Variants in CNTNAP2 observed in about 807,000 individuals in gnomAD.
The protein encoded by CNTNAP2 is contactin associated protein 2, also known as contactin-associated protein-like 2.
Under a neutral mutation model 155.2 loss-of-function variants are expected in CNTNAP2, and 98 were observed. The ratio of observed to expected loss-of-function variants is 0.63; its 90% CI spans 0.54 to 0.75. CNTNAP2 has a LOEUF of 0.75. Among genes scored for constraint, CNTNAP2 ranks in the 30% least tolerant of loss-of-function variants. The probability of loss-of-function intolerance (pLI) is 0.00; values close to 1 mark genes in which losing one functional copy is unlikely to be tolerated. For missense variants in CNTNAP2, 1,727 were observed against 1,688.1 expected, an observed-to-expected ratio of 1.02 and a Z score of -0.40; for synonymous variants, 651 against 631.2, an observed-to-expected ratio of 1.03 and a Z score of -0.47.
chr7:147,378,767 T>C (rs1408444769), intron 9 of CNTNAP2, among the ~76,000 whole-genome samples: 1 of 152,138 alleles, frequency 6.6e-6, no homozygotes, highest in Non-Finnish European at 1.5e-5. Flanking sequence ...GTTAGAATGT[T>C]CATAACTAAT....
At chr7:148,029,799 G>A (rs1257368190) in intron 15 of CNTNAP2, among the ~76,000 whole-genome samples, 1 of 152,186 alleles carries the variant, frequency 6.6e-6, no homozygotes, top group African/African-American at 2.4e-5. Context: ...CTAACTGTCT[G>A]ATGATAAAAG....
At chr7:147,435,762 G>T (rs1044423535) in intron 10 of CNTNAP2, among the ~76,000 whole-genome samples, 2 of 152,220 alleles carry the variant, frequency 1.3e-5, no homozygotes, top group South Asian at 2.1e-4. Flanking sequence ...TTTGAGGCAG[G>T]TATTTATATT....
intron 21 of CNTNAP2, among the ~76,000 whole-genome samples, chr7:148,366,665 A>T (rs973509517): frequency 2.0e-5 from 3 of 152,264 alleles, no homozygotes; most frequent in Non-Finnish European, 4.4e-5. Context: ...AAAATTGCTC[A>T]CAAATTAAAG....
chr7:147,140,657 A>T (rs1489115016), intron 8 of CNTNAP2, among the ~76,000 whole-genome samples: 1 of 152,054 alleles, frequency 6.6e-6, no homozygotes, highest in Non-Finnish European at 1.5e-5. Context: ...GAAAACTACA[A>T]GCAGAAAACT....
In CNTNAP2 at chr7:148,417,058, A is replaced by G. The variant is rs1362474767; in HGVS notation, c.*1442A>G. The G allele has an allele frequency of 6.6e-6, 1 of 151,082 alleles. No individual in the cohort carries two copies. The highest frequency in any genetic ancestry group is 6.6e-5 in the Admixed American group (1 of 15,244). 9.4% of individuals were successfully genotyped at this position (151,082 alleles called of 1,614,324 possible). A position where few individuals can be genotyped will look rare whatever the true frequency, so the allele number is the denominator to read the frequency against. ...AGAAAGGCTACCATTTATCATCATT[A>G]TATTTCAAGCCTCTTATACTTAATA... On this transcript the variant is annotated 3_prime_UTR_variant, in exon 24 of 24. Coordinates refer to ENST00000361727, the MANE Select transcript of CNTNAP2 (RefSeq NM_014141.6).
intron 13 of CNTNAP2, among the ~76,000 whole-genome samples, chr7:147,721,078 C>T (rs1796560197): frequency 6.6e-6 from 1 of 152,046 alleles, no homozygotes; most frequent in Non-Finnish European, 1.5e-5. Context: ...GTCTGGTAAA[C>T]AAAATACACC....
At chr7:146,904,259 T>C (rs1485282305) in intron 3 of CNTNAP2, among the ~76,000 whole-genome samples, 1 of 152,070 alleles carries the variant, frequency 6.6e-6, no homozygotes, top group African/African-American at 2.4e-5. Flanking sequence ...TATTTGCTGT[T>C]GCTTCTCCTT....
chr7:148,036,635 T>C (rs1188233137), intron 15 of CNTNAP2, among the ~76,000 whole-genome samples: 1 of 152,080 alleles, frequency 6.6e-6, no homozygotes, highest in Non-Finnish European at 1.5e-5. Context: ...AACAATTCCA[T>C]TCTTTATACG....
intron 1 of CNTNAP2, among the ~76,000 whole-genome samples, chr7:146,238,393 G>T (rs538946530): frequency 6.6e-6 from 1 of 152,182 alleles, no homozygotes; most frequent in South Asian, 2.1e-4. Context: ...CATCAGATAC[G>T]TGAGCACAAT....
intron 1 of CNTNAP2, among the ~76,000 whole-genome samples, chr7:146,699,124 TA>T (rs1160426836): frequency 6.6e-6 from 1 of 152,142 alleles, no homozygotes; most frequent in Non-Finnish European, 1.5e-5. Flanking sequence ...CTAAGTAGGT[TA>T]TGATGTTTGT....
chr7:146,759,767 A>T (rs1585077266), intron 1 of CNTNAP2, among the ~76,000 whole-genome samples: 1 of 149,708 alleles, frequency 6.7e-6, no homozygotes, highest in Non-Finnish European at 1.5e-5. Context: ...TTATAAATGG[A>T]TGGGCATTAG....
chr7:148,253,115 A>G (rs957751106), intron 20 of CNTNAP2, among the ~76,000 whole-genome samples: 2 of 152,152 alleles, frequency 1.3e-5, no homozygotes, highest in African/African-American at 4.8e-5. Flanking sequence ...AGTTTTGTAT[A>G]GATCAATCCA....
At chr7:146,444,023 A>G (rs904117735) in intron 1 of CNTNAP2, among the ~76,000 whole-genome samples, 3 of 152,040 alleles carry the variant, frequency 2.0e-5, no homozygotes, top group Non-Finnish European at 2.9e-5. Flanking sequence ...GGTATTTATC[A>G]TGTTATTTAT....
chr7:148,292,190 G>C (rs1797201979), intron 21 of CNTNAP2, among the ~76,000 whole-genome samples: 1 of 152,206 alleles, frequency 6.6e-6, no homozygotes, highest in Admixed American at 6.5e-5. Flanking sequence ...GTATAAGAGA[G>C]TTGAGAAGGA....
chr7:147,691,478 C>T (rs1369809977), intron 13 of CNTNAP2, among the ~76,000 whole-genome samples: 2 of 152,114 alleles, frequency 1.3e-5, no homozygotes, highest in African/African-American at 2.4e-5. Flanking sequence ...AATATTATCA[C>T]AATATCTACT....
At chr7:147,970,485 G>A (rs1801314354) in intron 14 of CNTNAP2, among the ~76,000 whole-genome samples, 1 of 152,178 alleles carries the variant, frequency 6.6e-6, no homozygotes, top group South Asian at 2.1e-4. Flanking sequence ...AGCACTTTGG[G>A]AGGTCAAGGT....
chr7:148,121,876 T>C (rs1227220434), intron 16 of CNTNAP2, among the ~76,000 whole-genome samples: 1 of 152,230 alleles, frequency 6.6e-6, no homozygotes, highest in African/African-American at 2.4e-5. Flanking sequence ...TATTTATTCA[T>C]TCATTTAATG....
At chr7:146,521,567 G>C (rs1335944490) in intron 1 of CNTNAP2, among the ~76,000 whole-genome samples, 3 of 151,790 alleles carry the variant, frequency 2.0e-5, no homozygotes, top group Admixed American at 6.6e-5. Context: ...ATACAAAACA[G>C]GCAATATCTG....
chr7:147,753,575 T>A (rs1430590490), intron 13 of CNTNAP2, among the ~76,000 whole-genome samples: 1 of 152,182 alleles, frequency 6.6e-6, no homozygotes, highest in African/African-American at 2.4e-5. Flanking sequence ...TATGTACTTA[T>A]GACACAGAAA....
Sources: gnomAD v4.1 joint callset for allele counts (sites outside exome capture counted in the v4.1 genomes callset) on GRCh38, gnomAD v4.1.1 for gene constraint, MANE v1.5 for transcripts, NCBI Gene and HGNC (gene_info 2026-07-23, HGNC 2026-07-21) for gene names.